Variants in PDZD2 observed in about 807,000 individuals in gnomAD.
PDZD2 encodes PDZ domain-containing protein 2.
In PDZD2, 90 loss-of-function variants were observed where a neutral mutation model predicts 220.7. That is an observed-to-expected ratio of 0.41 (90% CI 0.34 to 0.49). The LOEUF (loss-of-function observed/expected upper bound fraction) is 0.49. Among genes scored for constraint, PDZD2 ranks in the 20% least tolerant of loss-of-function variants. The pLI is 0.28. For missense variants in PDZD2, 3,174 were observed against 3,608.5 expected (o/e 0.88, Z 3.08); for synonymous variants, 1,375 against 1,450.5 (o/e 0.95, Z 1.18).
chr5:32,110,797 T>TAAAG lies in PDZD2; in HGVS notation c.*2664_*2667dup, dbSNP rs1443894709. 5 of 152,610 alleles carry TAAAG rather than the reference T, an allele frequency of 3.3e-5. No homozygotes were observed. In the East Asian group the frequency reaches 5.8e-4, roughly 18 times the overall value. The allele number at this position is 152,610 out of a possible 1,614,324, so 9.5% of individuals were successfully genotyped here. A position where few individuals can be genotyped will look rare whatever the true frequency, so the allele number is the denominator to read the frequency against. On this transcript the variant is annotated 3_prime_UTR_variant, in exon 25 of 25. Transcript: ENST00000438447. Reference sequence around the variant, plus strand: ...ATGTAAAGTAAAATGCCTTATATATTAAAGAGTAAGTGCAATAATATGAAA... The same window carrying TAAAG: ...ATGTAAAGTAAAATGCCTTATATATTAAAGAAAGAGTAAGTGCAATAATATGAAA...
At chr5:31,661,664 C>G (rs1048022301) in intron 1 of PDZD2, 2 of 152,110 alleles carry the variant, frequency 1.3e-5, no homozygotes, top group Non-Finnish European at 2.9e-5. Context: ...AACTTTGTTA[C>G]GTGACTATTC....
intron 2 of PDZD2, among the ~76,000 whole-genome samples, chr5:31,841,670 CA>C (rs1048440663): frequency 1.4e-5 from 2 of 146,758 alleles, no homozygotes; most frequent in Middle Eastern, 3.5e-3. Flanking sequence ...AGACTTGTCT[CA>C]AAAAAAAAGA....
chr5:31,680,751 C>G (rs1248241279), intron 1 of PDZD2, among the ~76,000 whole-genome samples: 1 of 152,104 alleles, frequency 6.6e-6, no homozygotes, highest in Non-Finnish European at 1.5e-5. Context: ...GAAATGATGC[C>G]GGCTTGTCCT....
At chr5:31,682,995 C>T (rs928944303) in intron 1 of PDZD2, among the ~76,000 whole-genome samples, 2 of 151,994 alleles carry the variant, frequency 1.3e-5, no homozygotes, top group Non-Finnish European at 2.9e-5. Flanking sequence ...TGGACCTGAC[C>T]AGTACTCTGA....
chr5:31,753,628 C>A (rs1205379834), intron 1 of PDZD2, among the ~76,000 whole-genome samples: 1 of 151,612 alleles, frequency 6.6e-6, no homozygotes, highest in Non-Finnish European at 1.5e-5. Context: ...AACAAACAAA[C>A]AAACAAACAG....
At chr5:31,675,540 A>C (rs1220934222) in intron 1 of PDZD2, among the ~76,000 whole-genome samples, 1 of 152,204 alleles carries the variant, frequency 6.6e-6, no homozygotes, top group African/African-American at 2.4e-5. Flanking sequence ...CTTTGCATGG[A>C]ATAGAAAAAA....
chr5:31,650,903 A>G (rs574571399), intron 1 of PDZD2, among the ~76,000 whole-genome samples: 11 of 152,302 alleles, frequency 7.2e-5, no homozygotes, highest in Middle Eastern at 6.8e-3. Context: ...CAGATTGGCT[A>G]TTAGCGAGAA....
intron 2 of PDZD2, chr5:31,847,751 T>G (rs1238160211): frequency 3.4e-6 from 2 of 591,126 alleles, no homozygotes; most frequent in Admixed American, 1.9e-5. Context: ...TTGGAGGCCC[T>G]GAAGGAAGCT....
chr5:31,850,164 G>GTATATATAAGTA (rs1364202556), intron 2 of PDZD2, among the ~76,000 whole-genome samples: 1 of 118,974 alleles, frequency 8.4e-6, no homozygotes, highest in East Asian at 2.1e-4. Flanking sequence ...GTGTATATAT[G>GTATATATAAGTA]TATATATAAG....
At chr5:31,698,202 C>A (rs1747457716) in intron 1 of PDZD2, among the ~76,000 whole-genome samples, 1 of 150,258 alleles carries the variant, frequency 6.7e-6, no homozygotes, top group African/African-American at 2.4e-5. Context: ...CCGCACCCGG[C>A]CCCTTCCTTA....
intron 2 of PDZD2, among the ~76,000 whole-genome samples, chr5:31,951,093 G>A (rs143746863): frequency 5.9e-5 from 9 of 151,974 alleles, no homozygotes; most frequent in African/African-American, 1.5e-4. Flanking sequence ...TTGAGATCCA[G>A]TCTCACTCTG....
chr5:31,911,180 G>T (rs997693340), intron 2 of PDZD2, among the ~76,000 whole-genome samples: 1 of 152,220 alleles, frequency 6.6e-6, no homozygotes, highest in African/African-American at 2.4e-5. Flanking sequence ...AATTTGTGAT[G>T]ATTTGATGGG....
intron 1 of PDZD2, among the ~76,000 whole-genome samples, chr5:31,644,959 C>A (rs184982470): frequency 8.5e-5 from 13 of 152,298 alleles, no homozygotes; most frequent in Admixed American, 7.8e-4. Flanking sequence ...GAACCGACTT[C>A]ACAGCACAGA....
At chr5:31,956,141 C>T (rs1284234454) in intron 2 of PDZD2, among the ~76,000 whole-genome samples, 1 of 151,950 alleles carries the variant, frequency 6.6e-6, no homozygotes, top group Non-Finnish European at 1.5e-5. Flanking sequence ...GTCCCTTGCT[C>T]TATAGTACTG....
intron 2 of PDZD2, among the ~76,000 whole-genome samples, chr5:31,842,903 T>C (rs552818570): frequency 6.6e-6 from 1 of 152,196 alleles, no homozygotes; most frequent in African/African-American, 2.4e-5. Flanking sequence ...TTTTTTGAGA[T>C]GGAGTTTTGC....
chr5:31,958,964 GCT>G (rs1448650456), intron 2 of PDZD2, among the ~76,000 whole-genome samples: 1 of 151,296 alleles, frequency 6.6e-6, no homozygotes, highest in African/African-American at 2.4e-5. Flanking sequence ...ATGGAGTCTC[GCT>G]CTGTCACCCA....
At position 32,098,220 on chromosome 5, in the gene PDZD2, T is replaced by C; in HGVS notation, c.7948-144T>C. The stretch of plus-strand genomic sequence containing the variant: ...TTGCACCACTGTACTCCAGCCTGGG[T>C]GACACAGCGAGACTCCCTCTCAAAA... On this transcript the variant is annotated intron_variant, in intron 22 of 24. Coordinates refer to ENST00000438447, the MANE Select transcript of PDZD2 (RefSeq NM_178140.4). This position sits in a 1 kb window ranked among gnomAD's most constrained non-coding sequence, Gnocchi z 4.1. The C allele has an allele frequency of 1.3e-6, 1 of 787,858 alleles. No individual in the cohort carries two copies. Among genetic ancestry groups the C allele is most frequent in the African/African-American group, 1.7e-5 (1 of 57,312 alleles). The allele number at this position is 787,858 out of a possible 1,614,324, so 48.8% of individuals were successfully genotyped here.
rs1005856725 is a variant in PDZD2, at chr5:31,898,006, G to T, written c.477-85149G>T. On this transcript the variant is annotated intron_variant, in intron 2 of 24. Transcript: ENST00000438447. ...TCTGACCACCTTGGCCTCCCAAAGT[G>T]CTGGGATTACAGGCATGAGCCACCG... Among the ~76,000 whole-genome samples the T allele has an allele frequency of 3.9e-5, 6 of 152,290 alleles. No homozygotes were observed. The East Asian group carries it at 1.2e-3, about 29-fold the overall frequency.
intron 2 of PDZD2, among the ~76,000 whole-genome samples, chr5:31,874,212 A>G (rs191785138): frequency 6.6e-6 from 1 of 152,340 alleles, no homozygotes; most frequent in African/African-American, 2.4e-5. Context: ...TGGTTTAAAT[A>G]TTAATCACTG....
Sources: allele counts gnomAD v4.1 joint callset (sites outside exome capture counted in the v4.1 genomes callset), GRCh38; gene constraint gnomAD v4.1.1; non-coding constraint Gnocchi (gnomAD v3.1); transcripts MANE v1.5; gene names NCBI Gene and HGNC (gene_info 2026-07-23, HGNC 2026-07-21).